ADAMTSL1: variants seen among roughly 807,000 people sequenced by gnomAD.
ADAMTSL1 encodes the protein ADAMTS-like protein 1.
Under a neutral mutation model 201.8 loss-of-function variants are expected in ADAMTSL1, and 126 were observed. That is an observed-to-expected ratio of 0.62 (90% CI 0.54 to 0.72). The LOEUF is 0.72. ADAMTSL1 is among the 30% of genes least tolerant of loss of function. The pLI, the probability that ADAMTSL1 is intolerant of heterozygous loss-of-function variation, is 0.00. For missense variants in ADAMTSL1, 2,679 were observed against 2,277.8 expected (o/e 1.18, Z -3.59); for synonymous variants, 1,121 against 903.4 (o/e 1.24, Z -4.32).
At chr9:17,978,325 G>C (rs772521908) in intron 1 of ADAMTSL1, among the ~76,000 whole-genome samples, 2 of 151,912 alleles carry the variant, frequency 1.3e-5, no homozygotes, top group Non-Finnish European at 2.9e-5. Flanking sequence ...TACCATTGCT[G>C]TTGTGTCCAT....
chr9:18,241,741 A>C (rs1397393944), intron 2 of ADAMTSL1, among the ~76,000 whole-genome samples: 1 of 152,156 alleles, frequency 6.6e-6, no homozygotes, highest in Non-Finnish European at 1.5e-5. Context: ...TATTATGAGC[A>C]GTTATATACC....
At chr9:18,845,987 C>G (rs1395078615) in intron 23 of ADAMTSL1, among the ~76,000 whole-genome samples, 1 of 152,182 alleles carries the variant, frequency 6.6e-6, no homozygotes, top group Non-Finnish European at 1.5e-5. Flanking sequence ...AGCACTGTCT[C>G]AAAGATAGTT....
intron 6 of ADAMTSL1, among the ~76,000 whole-genome samples, chr9:18,637,901 T>C (rs1827200282): frequency 6.6e-6 from 1 of 152,066 alleles, no homozygotes; most frequent in Non-Finnish European, 1.5e-5. Flanking sequence ...AATCAGATGC[T>C]CAGATCAGGC....
intron 13 of ADAMTSL1, among the ~76,000 whole-genome samples, chr9:18,705,056 T>C (rs1378387358): frequency 1.3e-5 from 2 of 152,232 alleles, no homozygotes; most frequent in Non-Finnish European, 2.9e-5. Context: ...CTGTTCCACA[T>C]GAAGCCCAGG....
chr9:17,927,424 G>GTA (rs1392048632), intron 1 of ADAMTSL1, among the ~76,000 whole-genome samples: 2 of 151,606 alleles, frequency 1.3e-5, no homozygotes, highest in African/African-American at 4.8e-5. Flanking sequence ...GTATATACAT[G>GTA]TATACATATA....
At chr9:18,894,828 T>A (rs1805292783) in intron 26 of ADAMTSL1, among the ~76,000 whole-genome samples, 1 of 151,758 alleles carries the variant, frequency 6.6e-6, no homozygotes, top group African/African-American at 2.4e-5. Context: ...AGGGAAAGGA[T>A]CAGATTAAGA....
chr9:17,950,288 C>T (rs1827682255), intron 1 of ADAMTSL1, among the ~76,000 whole-genome samples: 1 of 151,776 alleles, frequency 6.6e-6, no homozygotes, highest in East Asian at 1.9e-4. Context: ...TTTTACAGTG[C>T]AATAGTACTA....
intron 2 of ADAMTSL1, among the ~76,000 whole-genome samples, chr9:18,253,117 G>A (rs530811105): frequency 2.0e-4 from 30 of 152,316 alleles, no homozygotes; most frequent in Admixed American, 1.3e-3. Context: ...ATGTCATGAT[G>A]AGTGAGGAAA....
At chr9:18,092,333 C>T (rs1824059921) in intron 1 of ADAMTSL1, among the ~76,000 whole-genome samples, 2 of 151,928 alleles carry the variant, frequency 1.3e-5, no homozygotes, top group Admixed American at 1.3e-4. Context: ...GAAGGCTTCG[C>T]AAAGGAAGTG....
chr9:18,190,391 C>T (rs1259635561), intron 2 of ADAMTSL1, among the ~76,000 whole-genome samples: 1 of 152,146 alleles, frequency 6.6e-6, no homozygotes, highest in East Asian at 1.9e-4. Context: ...AGTCACTTTT[C>T]AGTGGGAGAG....
chr9:18,715,440 C>T (rs543953883), intron 14 of ADAMTSL1, among the ~76,000 whole-genome samples: 9 of 152,156 alleles, frequency 5.9e-5, no homozygotes, highest in East Asian at 5.8e-4. Context: ...TATACACCAA[C>T]AACAGACAAA....
intron 2 of ADAMTSL1, among the ~76,000 whole-genome samples, chr9:18,316,389 C>T (rs536949838): frequency 3.3e-5 from 5 of 152,038 alleles, no homozygotes; most frequent in Non-Finnish European, 1.5e-5. Context: ...TCCATTTCAC[C>T]CCTGCAGTCT....
chr9:18,311,788 C>G (rs1563878145), intron 2 of ADAMTSL1, among the ~76,000 whole-genome samples: 1 of 152,092 alleles, frequency 6.6e-6, no homozygotes, highest in Non-Finnish European at 1.5e-5. Flanking sequence ...GAAATGGGAA[C>G]ACATTTAAAA....
chr9:18,855,958 C>G (rs1826818089), intron 23 of ADAMTSL1, among the ~76,000 whole-genome samples: 1 of 152,182 alleles, frequency 6.6e-6, no homozygotes, highest in Admixed American at 6.5e-5. Context: ...GACCATGGCA[C>G]TCTTACATGC....
chr9:18,015,278 C>T (rs1046289565), intron 1 of ADAMTSL1, among the ~76,000 whole-genome samples: 1 of 151,894 alleles, frequency 6.6e-6, no homozygotes, highest in African/African-American at 2.4e-5. Flanking sequence ...GGGATCTAAC[C>T]GAAAGATGGT....
intron 23 of ADAMTSL1, among the ~76,000 whole-genome samples, chr9:18,848,573 T>C (rs1228431812): frequency 6.6e-6 from 1 of 152,060 alleles, no homozygotes; most frequent in African/African-American, 2.4e-5. Flanking sequence ...CCCCACCATA[T>C]CTATCTAAAT....
At chr9:18,534,894 AG>A (rs1819663485) in intron 3 of ADAMTSL1, among the ~76,000 whole-genome samples, 1 of 152,194 alleles carries the variant, frequency 6.6e-6, no homozygotes, top group African/African-American at 2.4e-5. Flanking sequence ...TGCCTAGAGC[AG>A]GGGGCCACAG....
At chr9:18,761,958 C>A (rs1335103007) in intron 16 of ADAMTSL1, among the ~76,000 whole-genome samples, 1 of 152,204 alleles carries the variant, frequency 6.6e-6, no homozygotes, top group Non-Finnish European at 1.5e-5. Context: ...TGCCTTACTG[C>A]AAAGCAGCTT....
At chr9:18,574,547 T>C (rs1822580704) in intron 4 of ADAMTSL1, 1 of 550,644 alleles carries the variant, frequency 1.8e-6, no homozygotes, top group African/African-American at 1.9e-5. Context: ...TGTACTAGAC[T>C]TTGAAATTAT....
Sources: allele counts gnomAD v4.1 joint callset (sites outside exome capture counted in the v4.1 genomes callset), GRCh38; gene constraint gnomAD v4.1.1; transcripts MANE v1.5; gene names NCBI Gene and HGNC (gene_info 2026-07-23, HGNC 2026-07-21).